Variants in SEMA3E observed in about 807,000 individuals in gnomAD.
SEMA3E encodes semaphorin-3E.
A neutral mutation model predicts 93.6 loss-of-function variants in SEMA3E; 49 were observed. The ratio of observed to expected loss-of-function variants is 0.52; its 90% CI spans 0.42 to 0.66. SEMA3E has a LOEUF of 0.66. SEMA3E is among the 30% of genes least tolerant of loss of function. The probability of loss-of-function intolerance (pLI) is 0.00; values close to 1 mark genes in which losing one functional copy is unlikely to be tolerated. For missense variants in SEMA3E, 906 were observed against 964.8 expected, an observed-to-expected ratio of 0.94 and a Z score of 0.81; for synonymous variants, 363 against 330.7, an observed-to-expected ratio of 1.10 and a Z score of -1.06.
chr7:83,645,155 G>A (rs1249434889), intron 1 of SEMA3E, among the ~76,000 whole-genome samples: 1 of 151,998 alleles, frequency 6.6e-6, no homozygotes, highest in Non-Finnish European at 1.5e-5. Flanking sequence ...GAAAGATAAG[G>A]AGAGAACAGA....
At chr7:83,595,438 A>C (rs1441722280) in intron 1 of SEMA3E, among the ~76,000 whole-genome samples, 1 of 152,198 alleles carries the variant, frequency 6.6e-6, no homozygotes, top group African/African-American at 2.4e-5. Context: ...TATGATACAC[A>C]TATCAAAACT....
intron 5 of SEMA3E, among the ~76,000 whole-genome samples, chr7:83,415,093 G>A (rs1281825749): frequency 6.6e-6 from 1 of 152,042 alleles, no homozygotes; most frequent in East Asian, 1.9e-4. Flanking sequence ...ATTTTTATTT[G>A]GCCACTTACC....
At chr7:83,602,754 G>A (rs983288887) in intron 1 of SEMA3E, among the ~76,000 whole-genome samples, 5 of 152,110 alleles carry the variant, frequency 3.3e-5, no homozygotes, top group African/African-American at 9.7e-5. Context: ...GGGATTACAG[G>A]TGTGAGCCCC....
chr7:83,378,331 A>G (rs1386959343), intron 16 of SEMA3E, among the ~76,000 whole-genome samples: 1 of 151,834 alleles, frequency 6.6e-6, no homozygotes, highest in Non-Finnish European at 1.5e-5. Context: ...CTGTGATTAT[A>G]TTCTCTCCCA....
intron 3 of SEMA3E, among the ~76,000 whole-genome samples, chr7:83,467,057 C>CTTTTT (rs59059670): frequency 1.0e-4 from 12 of 117,162 alleles, no homozygotes; most frequent in African/African-American, 1.0e-4. Flanking sequence ...AATATGCAGT[C>CTTTTT]TTTTTTTTTT....
chr7:83,624,775 T>C (rs1383613120), intron 1 of SEMA3E, among the ~76,000 whole-genome samples: 1 of 152,234 alleles, frequency 6.6e-6, no homozygotes, highest in East Asian at 1.9e-4. Flanking sequence ...TTGCTTTTGG[T>C]GATTTAGTCA....
chr7:83,526,852 C>T (rs903176276), intron 1 of SEMA3E, among the ~76,000 whole-genome samples: 2 of 152,102 alleles, frequency 1.3e-5, no homozygotes, highest in South Asian at 2.1e-4. Context: ...TGGGAGGGTC[C>T]CAAGTAGTCT....
intron 1 of SEMA3E, among the ~76,000 whole-genome samples, chr7:83,563,023 G>A (rs563336711): frequency 2.0e-5 from 3 of 152,158 alleles, no homozygotes; most frequent in South Asian, 4.1e-4. Flanking sequence ...CATAATTTTG[G>A]CTGAATCCAT....
intron 4 of SEMA3E, among the ~76,000 whole-genome samples, chr7:83,438,250 G>A (rs558631791): frequency 2.6e-5 from 4 of 151,696 alleles, no homozygotes; most frequent in Non-Finnish European, 5.9e-5. Flanking sequence ...TCCCTACCTG[G>A]GTCACCAAAT....
In SEMA3E at chr7:83,611,394, A is replaced by G. The variant is rs1780381293; in HGVS notation, c.115+37034T>C. Among the ~76,000 whole-genome samples the G allele has an allele frequency of 3.5e-5, 5 of 144,650 alleles. No homozygotes were observed. In the Admixed American group the frequency reaches 3.6e-4, roughly 10 times the overall value. 94.9% of individuals were successfully genotyped at this position (144,650 alleles called of 152,430 possible). A position where few individuals can be genotyped will look rare whatever the true frequency, so the allele number is the denominator to read the frequency against. The stretch of plus-strand genomic sequence containing the variant: ...TTATATATATAAATTTATATATTAT[A>G]TATATATATATATCTCACATCCAGA... On this transcript the variant is annotated intron_variant, in intron 1 of 16. Coordinates refer to ENST00000643230, the MANE Select transcript of SEMA3E (RefSeq NM_012431.3).
intron 11 of SEMA3E, among the ~76,000 whole-genome samples, chr7:83,399,643 G>A (rs1055956882): frequency 1.3e-5 from 2 of 152,112 alleles, no homozygotes; most frequent in Admixed American, 6.6e-5. Context: ...GTTCATTAAC[G>A]TCTATTATTC....
At chr7:83,408,623 G>T (rs573272617) in intron 5 of SEMA3E, 136 bp from the exon 6 acceptor site, 1 of 1,030,958 alleles carries the variant, frequency 9.7e-7, no homozygotes, top group South Asian at 1.4e-5. Flanking sequence ...AGCATGGATG[G>T]TATAGTAAGA....
intron 1 of SEMA3E, among the ~76,000 whole-genome samples, chr7:83,493,674 A>G (rs761877687): frequency 4.6e-5 from 7 of 151,956 alleles, no homozygotes; most frequent in Non-Finnish European, 7.4e-5. Context: ...AAACAGTGAC[A>G]ACAATTGAAT....
At chr7:83,524,904 C>G (rs541372081) in intron 1 of SEMA3E, among the ~76,000 whole-genome samples, 1 of 151,966 alleles carries the variant, frequency 6.6e-6, no homozygotes, top group African/African-American at 2.4e-5. Flanking sequence ...TGGTGCAGCT[C>G]TCATCCTGAG....
intron 1 of SEMA3E, among the ~76,000 whole-genome samples, chr7:83,573,898 T>C (rs1792344689): frequency 6.6e-6 from 1 of 151,924 alleles, no homozygotes. Context: ...ATAAAATAAT[T>C]TTTTAAAGCT....
At chr7:83,449,958 T>C (rs1789321423) in intron 4 of SEMA3E, among the ~76,000 whole-genome samples, 1 of 152,142 alleles carries the variant, frequency 6.6e-6, no homozygotes, top group African/African-American at 2.4e-5. Context: ...ATTTGGCAAA[T>C]GTCAAACAGC....
chr7:83,623,048 C>T (rs1793598884), intron 1 of SEMA3E, among the ~76,000 whole-genome samples: 1 of 151,998 alleles, frequency 6.6e-6, no homozygotes, highest in South Asian at 2.1e-4. Flanking sequence ...CAGGGTGATG[C>T]TTGGATAAGA....
At chr7:83,607,007 T>G (rs1157181139) in intron 1 of SEMA3E, among the ~76,000 whole-genome samples, 1 of 152,172 alleles carries the variant, frequency 6.6e-6, no homozygotes, top group East Asian at 1.9e-4. Context: ...ATTTTTTAAC[T>G]GTTAAGTCCA....
rs376347300 is a variant in SEMA3E at position 83,449,608 on chromosome 7, C to T, written c.456+16874G>A. 7.3e-4 allele frequency among the ~76,000 whole-genome samples: 111 copies of T among 152,214 alleles called. 1 individual carries two copies. The highest frequency in any genetic ancestry group is 2.5e-3 in the African/African-American group (103 of 41,546). On this transcript the variant is annotated intron_variant, in intron 4 of 16. Transcript: ENST00000643230. ...AATCAAAAGCTTATATCATTAATCT[C>T]TACTCCCTCACACACTAATGAGAAC...
Sources: gnomAD v4.1 joint callset for allele counts (sites outside exome capture counted in the v4.1 genomes callset) on GRCh38, gnomAD v4.1.1 for gene constraint, MANE v1.5 for transcripts, NCBI Gene and HGNC (gene_info 2026-07-23, HGNC 2026-07-21) for gene names.